The following ESYT2 variants were observed in gnomAD, a reference collection of about 807,000 sequenced individuals.
ESYT2 encodes extended synaptotagmin 2.
In ESYT2, 54 loss-of-function variants were observed where a neutral mutation model predicts 107.2. That is an observed-to-expected ratio of 0.50 (90% CI 0.40 to 0.63). ESYT2 has a LOEUF of 0.63. ESYT2 is among the 30% of genes least tolerant of loss of function. The pLI is 0.00. For missense variants in ESYT2, 1,020 were observed against 1,094.5 expected (o/e 0.93, Z 0.96); for synonymous variants, 491 against 434.1 (o/e 1.13, Z -1.63).
intron 13 of ESYT2, among the ~76,000 whole-genome samples, chr7:158,755,720 C>T (rs942062028): frequency 6.6e-6 from 1 of 152,172 alleles, no homozygotes; most frequent in Non-Finnish European, 1.5e-5. Context: ...ACTATGGTTA[C>T]CACTTACTAT....
intron 1 of ESYT2, among the ~76,000 whole-genome samples, chr7:158,812,096 C>T (rs911315380): frequency 6.6e-6 from 1 of 152,166 alleles, no homozygotes; most frequent in Non-Finnish European, 1.5e-5. Flanking sequence ...GCCACAGCTT[C>T]CCCCTGCCAC....
chr7:158,822,205 A>G (rs916418983), intron 1 of ESYT2, among the ~76,000 whole-genome samples: 2 of 152,230 alleles, frequency 1.3e-5, no homozygotes, highest in African/African-American at 2.4e-5. Context: ...AGAGACGACA[A>G]AAGACCACAA....
intron 15 of ESYT2, among the ~76,000 whole-genome samples, chr7:158,748,572 C>G (rs2788469): frequency 6.6e-6 from 1 of 151,664 alleles, no homozygotes; most frequent in East Asian, 1.9e-4. Flanking sequence ...CGTGGCCTGG[C>G]CTCGGTTCTG....
At position 158,741,876 on chromosome 7, in the gene ESYT2, T is replaced by C; in HGVS notation, c.1815A>G (p.Arg605=). The C allele has an allele frequency of 6.2e-7, 1 of 1,606,274 alleles. No homozygotes were observed. The highest frequency in any genetic ancestry group is 2.2e-5 in the East Asian group (1 of 44,802). Residue 605 remains arginine, a synonymous_variant, in exon 18 of 23, where the codon CGA becomes CGG. Transcript: ENST00000275418. ...IALRVLHLEK[R]ERPPDHQHSA... is the part of the protein sequence containing the mutation. ...AGTGTTGGTGGTCTGGAGGCCTTTC[T>C]CGCTTTTCGAGATGGAGCACCTAGA... is the stretch of plus-strand genomic sequence containing the variant.
intron 20 of ESYT2, among the ~76,000 whole-genome samples, chr7:158,735,830 T>G (rs112224261): frequency 4.6e-5 from 7 of 152,236 alleles, no homozygotes; most frequent in African/African-American, 1.2e-4. Context: ...TGGCATCCCA[T>G]AGATGTCTGG....
intron 1 of ESYT2, among the ~76,000 whole-genome samples, chr7:158,801,790 G>A (rs1839655532): frequency 6.6e-6 from 1 of 151,718 alleles, no homozygotes; most frequent in Non-Finnish European, 1.5e-5. Context: ...TCTCTTTAAT[G>A]TTATCTTTTA....
At position 158,814,286 on chromosome 7, in the gene ESYT2, A is replaced by ATT. The variant is rs1328479010; in HGVS notation, c.330+14801_330+14802dup. 5.6e-4 allele frequency among the ~76,000 whole-genome samples: 62 copies of ATT among 110,876 alleles called. 4 individuals carry two copies. Among genetic ancestry groups the ATT allele is most frequent in the East Asian group, 3.8e-3 (8 of 2,112 alleles). The allele number at this position is 110,876 out of a possible 152,430, so 72.7% of individuals were successfully genotyped here. On this transcript the variant is annotated intron_variant, in intron 1 of 22. Transcript: ENST00000275418. ...GAGACTCCGTCTCAAAAAAAAAAAA[A>ATT]TTATATATATATATATATATATATA... is the stretch of plus-strand genomic sequence containing the variant.
chr7:158,739,772 C>A (rs564773955), intron 18 of ESYT2, among the ~76,000 whole-genome samples: 1 of 147,406 alleles, frequency 6.8e-6, no homozygotes, highest in African/African-American at 2.6e-5. Context: ...CTGACCACAA[C>A]AGGACGGGAG....
At position 158,767,772 on chromosome 7, in the gene ESYT2, C is replaced by A. The variant is rs1283829169; in HGVS notation, c.806G>T (p.Gly269Val). ...ATCCAAAATGATAGTATCTGATAAA[C>A]CACTGTTAGTTGGGAGACAAAAAGA... ...TNLLDVPGLN[G>V]LSDTIILDII... The change falls in exon 8 of 23, where the codon GGT (glycine) becomes GTT (valine). Residue 269 changes from glycine to valine, a missense_variant and splice_region_variant. Transcript: ENST00000275418. 6.2e-7 allele frequency: 1 copy of A among 1,609,970 alleles called. No homozygotes were observed. The highest frequency in any genetic ancestry group is 8.5e-7 in the Non-Finnish European group (1 of 1,177,918).
At chr7:158,789,130 T>C (rs965123770) in intron 4 of ESYT2, among the ~76,000 whole-genome samples, 7 of 152,206 alleles carry the variant, frequency 4.6e-5, no homozygotes, top group African/African-American at 1.7e-4. Flanking sequence ...TGTTTGTTGG[T>C]AAGTTTGATA....
chr7:158,780,086 A>G (rs7800607), intron 6 of ESYT2, among the ~76,000 whole-genome samples: 1 of 148,660 alleles, frequency 6.7e-6, no homozygotes, highest in Non-Finnish European at 1.5e-5. Context: ...TCTAAACTTT[A>G]AAGTACAATT....
At chr7:158,809,189 G>A (rs796690104) in intron 1 of ESYT2, among the ~76,000 whole-genome samples, 7 of 151,974 alleles carry the variant, frequency 4.6e-5, no homozygotes, top group African/African-American at 1.7e-4. Context: ...GGGCAAAAGT[G>A]ACGGGGCGTG....
chr7:158,733,931 C>A lies in ESYT2; in HGVS notation c.*276G>T, dbSNP rs369334260. On this transcript the variant is annotated 3_prime_UTR_variant, in exon 23 of 23. Transcript: ENST00000275418. ...AAAGCACAGACACATCCGACTCCTA[C>A]GGACACAGCTGAGCAGAGTCCACAG... The A allele has an allele frequency of 1.5e-4, 68 of 449,502 alleles. No homozygotes were observed. The highest frequency in any genetic ancestry group is 1.3e-3 in the African/African-American group (66 of 50,510). The allele number at this position is 449,502 out of a possible 1,614,324, so 27.8% of individuals were successfully genotyped here. A position where few individuals can be genotyped will look rare whatever the true frequency, so the allele number is the denominator to read the frequency against.
At chr7:158,736,231 G>A (rs947394730) in intron 20 of ESYT2, among the ~76,000 whole-genome samples, 4 of 90,316 alleles carry the variant, frequency 4.4e-5, no homozygotes, top group African/African-American at 1.7e-4. Flanking sequence ...CAACCTCATC[G>A]GGCTGATGCA....
rs745644547 is a variant in ESYT2, at chr7:158,743,614, G to A, written c.1709C>T (p.Thr570Ile). 1 of 1,613,650 alleles carries A rather than the reference G, an allele frequency of 6.2e-7. No individual in the cohort carries two copies. The highest frequency in any genetic ancestry group is 8.5e-7 in the Non-Finnish European group (1 of 1,179,934). Reference protein sequence around the residue: ...NLKVPLSQLLTSEDMTVSQRF... With the variant: ...NLKVPLSQLLISEDMTVSQRF... ...CTGGCTCACAGTCATGTCCTCACTG[G>A]TGAGCAGCTGGCTGAGGGGGACCTT... Residue 570 changes from threonine (T) to isoleucine (I), a missense_variant, in exon 17 of 23, where the codon ACC becomes ATC. By Grantham distance (89) the Thr-to-Ile change is moderately conservative (BLOSUM62 -1). Coordinates refer to ENST00000275418, the MANE Select transcript of ESYT2 (RefSeq NM_001367773.1).
At chr7:158,739,592 C>T (rs1166863293) in intron 18 of ESYT2, among the ~76,000 whole-genome samples, 1 of 152,218 alleles carries the variant, frequency 6.6e-6, no homozygotes, top group Non-Finnish European at 1.5e-5. Flanking sequence ...AGGTGATCCA[C>T]CTGCCTCGGC....
At chr7:158,769,662 A>G (rs889880502) in intron 7 of ESYT2, among the ~76,000 whole-genome samples, 5 of 152,196 alleles carry the variant, frequency 3.3e-5, no homozygotes, top group African/African-American at 9.6e-5. Context: ...TTATCAAAAC[A>G]TAACGGATAT....
intron 13 of ESYT2, among the ~76,000 whole-genome samples, chr7:158,756,089 TA>T (rs1209224270): frequency 6.6e-6 from 1 of 152,134 alleles, no homozygotes; most frequent in African/African-American, 2.4e-5. Flanking sequence ...CCCCCTACTT[TA>T]AAAAATAAGA....
Position 158,764,858 on chromosome 7 carries a change from AAAG to A in ESYT2, c.925-8_925-6del. Reference sequence around the variant, plus strand: ...AAAATGTATCCTTAGAACACCCTGAAAAGAAGAACAAACTGAAGTTTAGACCCT... The same window carrying A: ...AAAATGTATCCTTAGAACACCCTGAAAAGAACAAACTGAAGTTTAGACCCT... On this transcript the variant is annotated splice_polypyrimidine_tract_variant and splice_region_variant and intron_variant, in intron 8 of 22. Coordinates refer to ENST00000275418, the MANE Select transcript of ESYT2 (RefSeq NM_001367773.1). 6.2e-7 allele frequency: 1 copy of A among 1,612,854 alleles called. No homozygotes were observed. The highest frequency in any genetic ancestry group is 8.5e-7 in the Non-Finnish European group (1 of 1,179,428).
Sources: allele counts gnomAD v4.1 joint callset (sites outside exome capture counted in the v4.1 genomes callset), GRCh38; gene constraint gnomAD v4.1.1; transcripts MANE v1.5; gene names NCBI Gene and HGNC (gene_info 2026-07-23, HGNC 2026-07-21).